Variants in SLC39A11 observed in about 807,000 individuals in gnomAD.
SLC39A11 encodes zinc transporter ZIP11.
A neutral mutation model predicts 36.1 loss-of-function variants in SLC39A11; 33 were observed. The ratio of observed to expected loss-of-function variants is 0.91; its 90% CI spans 0.69 to 1.22. The LOEUF is 1.22. Ranked by LOEUF, SLC39A11 falls within the 50% of genes most tolerant of loss-of-function variation. The pLI is 0.00. For missense variants in SLC39A11, 432 were observed against 430.3 expected (o/e 1.00, Z -0.03); for synonymous variants, 166 against 170.3 (o/e 0.97, Z 0.20).
intron 3 of SLC39A11, among the ~76,000 whole-genome samples, chr17:73,048,428 A>G (rs2059391909): frequency 6.6e-6 from 1 of 152,180 alleles, no homozygotes; most frequent in African/African-American, 2.4e-5. Flanking sequence ...TTCTCCACCC[A>G]GTCCACCACG....
intron 6 of SLC39A11, among the ~76,000 whole-genome samples, chr17:72,781,746 G>T (rs543340072): frequency 6.6e-6 from 1 of 152,236 alleles, no homozygotes; most frequent in African/African-American, 2.4e-5. Flanking sequence ...ACAAGCTCGT[G>T]TTGGGGTGAG....
Position 72,774,455 on chromosome 17 carries a change from C to T in SLC39A11, c.602-37736G>A, listed in dbSNP as rs111453775. Among the ~76,000 whole-genome samples, 567 of 152,282 alleles carry T rather than the reference C, an allele frequency of 3.7e-3. 1 individual carries two copies. The highest frequency in any genetic ancestry group is 5.7e-3 in the Non-Finnish European group (389 of 68,036). ...AATAACAGGTCTTCAGTTACAAACC[C>T]GCGCTTCATTTTACAAAACAGTAGC... On this transcript the variant is annotated intron_variant, in intron 6 of 9. Coordinates refer to ENST00000255559, the MANE Select transcript of SLC39A11 (RefSeq NM_139177.4).
chr17:72,871,288 C>T (rs1414677324), intron 5 of SLC39A11, among the ~76,000 whole-genome samples: 2 of 152,062 alleles, frequency 1.3e-5, no homozygotes, highest in Non-Finnish European at 2.9e-5. Context: ...TCTTGAACTC[C>T]TGAGCTCAGG....
At chr17:72,977,760 C>T (rs59410508) in intron 4 of SLC39A11, among the ~76,000 whole-genome samples, 6,152 of 152,220 alleles carry the variant, frequency 0.04, 464 homozygotes, top group African/African-American at 0.14. Context: ...TTTGGGGAAA[C>T]GGTAGTGATA....
rs2085028151 is a variant in SLC39A11, at chr17:72,940,329, G to A, written c.430+7423C>T. Reference sequence around the variant, plus strand: ...TTGCTCTTGTCGCCCAGGCTGGAGTGCAATGGCGTGGTCTCAGCTCACTGT... The same window carrying A: ...TTGCTCTTGTCGCCCAGGCTGGAGTACAATGGCGTGGTCTCAGCTCACTGT... On this transcript the variant is annotated intron_variant, in intron 5 of 9. Transcript: ENST00000255559. Among the ~76,000 whole-genome samples, 4 of 149,960 alleles carry A rather than the reference G, an allele frequency of 2.7e-5. No individual in the cohort carries two copies. The South Asian group carries it at 6.3e-4, about 24-fold the overall frequency.
chr17:73,056,350 G>A lies in SLC39A11; in HGVS notation c.148-24636C>T, dbSNP rs1238156398. On this transcript the variant is annotated intron_variant, in intron 3 of 9. Coordinates refer to ENST00000255559, the MANE Select transcript of SLC39A11 (RefSeq NM_139177.4). ...TGCCTAGCTAATTTTTGTATTTTTA[G>A]TGGAGACGGGGTTTCACCATGTTGG... Among the ~76,000 whole-genome samples the A allele has an allele frequency of 2.6e-5, 4 of 152,052 alleles. No individual in the cohort carries two copies. In the East Asian group the frequency reaches 7.7e-4, roughly 29 times the overall value.
At chr17:72,810,027 G>A (rs1023573294) in intron 6 of SLC39A11, among the ~76,000 whole-genome samples, 3 of 150,042 alleles carry the variant, frequency 2.0e-5, no homozygotes, top group African/African-American at 7.4e-5. Context: ...TTATGCCACT[G>A]CACTCCAGCC....
At chr17:72,667,371 C>T (rs564702675) in intron 7 of SLC39A11, among the ~76,000 whole-genome samples, 139 of 152,288 alleles carry the variant, frequency 9.1e-4, no homozygotes, top group African/African-American at 3.1e-3. Flanking sequence ...GAAAACCAGG[C>T]GAGAAGCTGG....
chr17:72,982,902 G>T (rs546985298), intron 4 of SLC39A11, among the ~76,000 whole-genome samples: 1 of 152,270 alleles, frequency 6.6e-6, no homozygotes, highest in South Asian at 2.1e-4. Flanking sequence ...GCAAGTGTTT[G>T]GAGTATAATG....
intron 4 of SLC39A11, among the ~76,000 whole-genome samples, chr17:73,026,187 G>GAGAGAAGAGGAGAAGAGAAGAGA (rs2058536513): frequency 2.8e-4 from 1 of 3,590 alleles, no homozygotes; most frequent in Non-Finnish European, 1.2e-3. Context: ...AGAAAGAGAA[G>GAGAGAAGAGGAGAAGAGAAGAGA]AGAGAAGAGA....
At chr17:72,723,316 G>A (rs2073781812) in intron 7 of SLC39A11, among the ~76,000 whole-genome samples, 1 of 97,334 alleles carries the variant, frequency 1.0e-5, no homozygotes, top group African/African-American at 3.9e-5. Flanking sequence ...TTGTAGGAGT[G>A]TAAGAGTGTG....
intron 5 of SLC39A11, among the ~76,000 whole-genome samples, chr17:72,900,032 G>C (rs4969126): frequency 1.7e-5 from 2 of 115,046 alleles, no homozygotes; most frequent in Admixed American, 1.7e-4. Flanking sequence ...GAGAGAGAGA[G>C]AGAAAGAGAG....
intron 5 of SLC39A11, among the ~76,000 whole-genome samples, chr17:72,905,810 G>A (rs1052561987): frequency 6.6e-5 from 10 of 151,690 alleles, no homozygotes; most frequent in Non-Finnish European, 1.2e-4. Flanking sequence ...CTAGAGTACA[G>A]TGGCGTGATC....
intron 5 of SLC39A11, among the ~76,000 whole-genome samples, chr17:72,941,601 G>C (rs1429040318): frequency 1.3e-5 from 2 of 148,344 alleles, no homozygotes; most frequent in African/African-American, 4.9e-5. Context: ...AGTGCTATTT[G>C]AGTGCTCCAT....
chr17:72,940,269 C>G (rs971064098), intron 5 of SLC39A11, among the ~76,000 whole-genome samples: 3 of 136,372 alleles, frequency 2.2e-5, no homozygotes, highest in African/African-American at 7.7e-5. Context: ...AGACTTAGAG[C>G]CATCTGACTT....
At chr17:72,747,354 G>A (rs2074981445) in intron 6 of SLC39A11, among the ~76,000 whole-genome samples, 1 of 152,120 alleles carries the variant, frequency 6.6e-6, no homozygotes, top group Non-Finnish European at 1.5e-5. Flanking sequence ...TTTTTGCCAT[G>A]TTGGCCAGGC....
At position 72,918,423 on chromosome 17, in the gene SLC39A11, A is replaced by AG. The variant is rs1345145250; in HGVS notation, c.430+29328dup. Among the ~76,000 whole-genome samples the AG allele has an allele frequency of 8.5e-5, 13 of 152,148 alleles. 1 individual carries two copies. Among genetic ancestry groups the AG allele is most frequent in the Non-Finnish European group, 1.9e-4 (13 of 68,028 alleles). On this transcript the variant is annotated intron_variant, in intron 5 of 9. Coordinates refer to ENST00000255559, the MANE Select transcript of SLC39A11 (RefSeq NM_139177.4). ...AAACTCCATCTCCAAAAAAGAAAAA[A>AG]GAAAAGAGCACTGAACTGGATGATG... is the stretch of plus-strand genomic sequence containing the variant.
chr17:72,875,605 C>G (rs148138509), intron 5 of SLC39A11, among the ~76,000 whole-genome samples: 1 of 152,164 alleles, frequency 6.6e-6, no homozygotes, highest in Admixed American at 6.5e-5. Context: ...CATGTTTATG[C>G]GTGTGTCTGT....
At chr17:73,014,768 G>C (rs2090717009) in intron 4 of SLC39A11, among the ~76,000 whole-genome samples, 1 of 152,174 alleles carries the variant, frequency 6.6e-6, no homozygotes, top group African/African-American at 2.4e-5. Context: ...AGCGTCATCT[G>C]ACCCTCTGGC....
Sources: gnomAD v4.1 joint callset for allele counts (sites outside exome capture counted in the v4.1 genomes callset) on GRCh38, gnomAD v4.1.1 for gene constraint, MANE v1.5 for transcripts, NCBI Gene and HGNC (gene_info 2026-07-23, HGNC 2026-07-21) for gene names.